Variants in ATP5PB observed in about 807,000 individuals in gnomAD.
The protein encoded by ATP5PB is ATP synthase peripheral stalk-membrane subunit b.
In ATP5PB, 21 loss-of-function variants were observed where a neutral mutation model predicts 34.5. The ratio of observed to expected loss-of-function variants is 0.61; its 90% CI spans 0.43 to 0.88. The LOEUF is 0.88. Ranked by LOEUF, ATP5PB falls within the 40% of genes least tolerant of loss-of-function variation. The pLI, the probability that ATP5PB is intolerant of heterozygous loss-of-function variation, is 0.00. For missense variants in ATP5PB, 293 were observed against 317.4 expected, an observed-to-expected ratio of 0.92 and a Z score of 0.58; for synonymous variants, 108 against 114.1, an observed-to-expected ratio of 0.95 and a Z score of 0.34.
At chr1:111,458,241 C>T (rs997278044) in intron 5 of ATP5PB, among the ~76,000 whole-genome samples, 5 of 152,202 alleles carry the variant, frequency 3.3e-5, no homozygotes, top group African/African-American at 1.2e-4. Flanking sequence ...CGCATTGGCT[C>T]ATGCCTATAA....
At chr1:111,451,271 C>T (rs928920698) in intron 2 of ATP5PB, among the ~76,000 whole-genome samples, 1 of 152,198 alleles carries the variant, frequency 6.6e-6, no homozygotes, top group Non-Finnish European at 1.5e-5. Context: ...CCTTGGTGTT[C>T]CTCTGAAAAC....
chr1:111,455,894 T>C (rs1363328288), intron 3 of ATP5PB, among the ~76,000 whole-genome samples, 192 bp from the exon 4 acceptor site: 2 of 152,252 alleles, frequency 1.3e-5, no homozygotes, highest in Admixed American at 6.5e-5. Context: ...GTAGAGTCAG[T>C]ATACAGATTT....
At position 111,459,751 on chromosome 1, in the gene ATP5PB, G is replaced by T. The variant is rs572188958; in HGVS notation, c.693+115G>T. ...AGGAGTCTTTAGCCTAGAAGTAGCA[G>T]TGTAACCCCGGTTTGTTTTTCTGGA... is the stretch of plus-strand genomic sequence containing the variant. On this transcript the variant is annotated intron_variant, in intron 6 of 6. Coordinates refer to ENST00000369722, the MANE Select transcript of ATP5PB (RefSeq NM_001688.5). 3.4e-5 allele frequency: 38 copies of T among 1,122,794 alleles called. 2 individuals carry two copies. The African/African-American group carries it at 3.6e-4, about 11-fold the overall frequency. 69.6% of individuals were successfully genotyped at this position (1,122,794 alleles called of 1,614,324 possible). A position where few individuals can be genotyped will look rare whatever the true frequency, so the allele number is the denominator to read the frequency against.
intron 2 of ATP5PB, among the ~76,000 whole-genome samples, chr1:111,452,796 G>A (rs545378367): frequency 2.0e-5 from 3 of 152,268 alleles, no homozygotes; most frequent in Admixed American, 6.5e-5. Flanking sequence ...AGGATGGGTC[G>A]GGGAGGGAGG....
At chr1:111,454,452 TG>T (rs1451161074) in intron 3 of ATP5PB, 96 bp downstream of exon 3, 109 of 1,423,218 alleles carry the variant, frequency 7.7e-5, no homozygotes, top group Non-Finnish European at 9.6e-5. Flanking sequence ...TTGTTGTTGT[TG>T]TTGTTGTTGT....
Position 111,461,341 on chromosome 1 carries a change from C to G in ATP5PB, c.*347C>G. The G allele has an allele frequency of 5.1e-6, 1 of 197,768 alleles. No homozygotes were observed. Among genetic ancestry groups the G allele is most frequent in the South Asian group, 8.4e-5 (1 of 11,870 alleles). The allele number at this position is 197,768 out of a possible 1,614,324, so 12.3% of individuals were successfully genotyped here. A position where few individuals can be genotyped will look rare whatever the true frequency, so the allele number is the denominator to read the frequency against. On this transcript the variant is annotated 3_prime_UTR_variant, in exon 7 of 7. Coordinates refer to ENST00000369722, the MANE Select transcript of ATP5PB (RefSeq NM_001688.5). The stretch of plus-strand genomic sequence containing the variant: ...GACAATTGAATGAAACAGGGTTTTT[C>G]AAGTTGTATAATTCTCTGAAATACT...
rs1027042949 is a variant in ATP5PB, at chr1:111,456,368, A to G, written c.387+119A>G. The G allele has an allele frequency of 1.5e-5, 18 of 1,191,042 alleles. No individual in the cohort carries two copies. In the East Asian group the frequency reaches 3.9e-4, roughly 26 times the overall value. 73.8% of individuals were successfully genotyped at this position (1,191,042 alleles called of 1,614,324 possible). On this transcript the variant is annotated intron_variant, in intron 4 of 6. Transcript: ENST00000369722. Reference sequence around the variant, plus strand: ...TATAGAAATGAATCTAATGCTTCAAATAAGTGTTAACGTTAGTTACTAATT... The same window carrying G: ...TATAGAAATGAATCTAATGCTTCAAGTAAGTGTTAACGTTAGTTACTAATT...
chr1:111,449,905 T>G, intron 2 of ATP5PB, 32 bp downstream of exon 2: 1 of 1,613,646 alleles, frequency 6.2e-7, no homozygotes, highest in Non-Finnish European at 8.5e-7. Flanking sequence ...CCTTTCGTCT[T>G]TGTTTTCACT....
At chr1:111,460,896 A>G (rs1253312369) in intron 6 of ATP5PB, 21 bp from the exon 7 acceptor site, 1 of 1,611,996 alleles carries the variant, frequency 6.2e-7, no homozygotes, top group East Asian at 2.2e-5. Flanking sequence ...GTCTAACCAG[A>G]TTTCTCTTTC....
chr1:111,449,724 TGAG>T, intron 1 of ATP5PB, 110 bp from the exon 2 acceptor site: 16 of 1,575,492 alleles, frequency 1.0e-5, no homozygotes, highest in Non-Finnish European at 1.3e-5. Flanking sequence ...CGTGGGGTCT[TGAG>T]GGACGGGAAA....
chr1:111,449,498 G>C lies in ATP5PB; in HGVS notation c.-44G>C. The C allele has an allele frequency of 2.5e-6, 4 of 1,614,154 alleles. No individual in the cohort carries two copies. Among genetic ancestry groups the C allele is most frequent in the Non-Finnish European group, 3.4e-6 (4 of 1,180,028 alleles). On this transcript the variant is annotated 5_prime_UTR_variant, in exon 1 of 7. Transcript: ENST00000369722. ...CCTGCCCTGACAGATTCTCCTATCGGGGTCACAGGGACGCTAAGATTGCTA... is the reference window on the plus strand; with the variant it reads ...CCTGCCCTGACAGATTCTCCTATCGCGGTCACAGGGACGCTAAGATTGCTA...
In ATP5PB at chr1:111,454,462, G is replaced by GT. The variant is rs1204972686; in HGVS notation, c.223+108dup. 291 of 1,421,304 alleles carry GT rather than the reference G, an allele frequency of 2.0e-4. 3 individuals are homozygous for GT. In the African/African-American group the frequency reaches 4.0e-3, roughly 20 times the overall value. 88.0% of individuals were successfully genotyped at this position (1,421,304 alleles called of 1,614,324 possible). A position where few individuals can be genotyped will look rare whatever the true frequency, so the allele number is the denominator to read the frequency against. Reference sequence around the variant, plus strand: ...TTTTGTTGTTGTTGTTGTTGTTGTTGTTGTTGTTTTTTGAGACAGGGTATT... The same window carrying GT: ...TTTTGTTGTTGTTGTTGTTGTTGTTGTTTGTTGTTTTTTGAGACAGGGTATT... On this transcript the variant is annotated intron_variant, in intron 3 of 6. Transcript: ENST00000369722.
At chr1:111,456,893 A>G (rs1653489374) in intron 5 of ATP5PB, 138 bp downstream of exon 5, 2 of 1,029,858 alleles carry the variant, frequency 1.9e-6, no homozygotes, top group Non-Finnish European at 2.6e-6. Flanking sequence ...AGGAGTTGGC[A>G]TTCACGGCTA....
chr1:111,452,421 G>C (rs1653358868), intron 2 of ATP5PB, among the ~76,000 whole-genome samples: 1 of 152,048 alleles, frequency 6.6e-6, no homozygotes, highest in Non-Finnish European at 1.5e-5. Flanking sequence ...AAAATAGCTG[G>C]GTGTGGTGGC....
chr1:111,452,516 A>T (rs1653362838), intron 2 of ATP5PB, among the ~76,000 whole-genome samples: 1 of 152,242 alleles, frequency 6.6e-6, no homozygotes, highest in Non-Finnish European at 1.5e-5. Flanking sequence ...GGTTGCAGTG[A>T]GCTGAGATCA....
Position 111,454,299 on chromosome 1 carries a change from T to TA in ATP5PB, c.167dup (p.Tyr56Ter). The change falls in exon 3 of 7, where the codon TAT becomes TAAT. Residue 56 changes from tyrosine (Y) to a stop codon, truncating the protein, a stop_gained and frameshift_variant. Coordinates refer to ENST00000369722, the MANE Select transcript of ATP5PB (RefSeq NM_001688.5). LOFTEE classifies it high-confidence loss of function. Reference sequence around the variant, plus strand: ...TCCTGAATACGGAGGAAAAGTTCGTTATGGACTGATCCCTGAGGAATTCTT... The same window carrying TA: ...TCCTGAATACGGAGGAAAAGTTCGTTAATGGACTGATCCCTGAGGAATTCTT... ...PLPEYGGKVRYGLIPEEFFQF... is the reference protein window; with the variant it reads ...PLPEYGGKVR The TA allele has an allele frequency of 6.2e-7, 1 of 1,613,182 alleles. No individual in the cohort carries two copies. The highest frequency in any genetic ancestry group is 8.5e-7 in the Non-Finnish European group (1 of 1,179,758).
rs948537606 is a variant in ATP5PB at position 111,461,063 on chromosome 1, A to G, written c.*69A>G. 3.5e-6 allele frequency: 5 copies of G among 1,426,402 alleles called. No individual in the cohort carries two copies. In the African/African-American group the frequency reaches 5.7e-5, roughly 16 times the overall value. 88.4% of individuals were successfully genotyped at this position (1,426,402 alleles called of 1,614,324 possible). On this transcript the variant is annotated 3_prime_UTR_variant, in exon 7 of 7. Transcript: ENST00000369722. ...TAAATGGAAACTAGTCTATTTGACA[A>G]AGTCTTTCTGTGTTGGTGTCTACTG...
chr1:111,451,087 A>C (rs529259393), intron 2 of ATP5PB, among the ~76,000 whole-genome samples: 1 of 152,268 alleles, frequency 6.6e-6, no homozygotes, highest in South Asian at 2.1e-4. Flanking sequence ...ATTACAGCCC[A>C]TTCTCATAAT....
In ATP5PB at chr1:111,459,595, T is replaced by C; in HGVS notation, c.652T>C (p.Trp218Arg). The part of the protein sequence containing the change: ...RRKEQEHMIN[W>R]VEKHVVQSIS... Reference sequence around the variant, plus strand: ...AAAGGAACAAGAACACATGATAAATTGGGTGGAGAAGCACGTGGTGCAAAG... The same window carrying C: ...AAAGGAACAAGAACACATGATAAATCGGGTGGAGAAGCACGTGGTGCAAAG... Residue 218 changes from tryptophan (W) to arginine (R), a missense_variant, in exon 6 of 7, where the codon TGG (tryptophan) becomes CGG (arginine). Trp to Arg is a moderately radical substitution (Grantham distance 101, BLOSUM62 -3). Coordinates refer to ENST00000369722, the MANE Select transcript of ATP5PB (RefSeq NM_001688.5). 3 of 1,613,930 alleles carry C rather than the reference T, an allele frequency of 1.9e-6. No homozygotes were observed. Among genetic ancestry groups the C allele is most frequent in the Non-Finnish European group, 2.5e-6 (3 of 1,179,848 alleles).
Sources: allele counts gnomAD v4.1 joint callset (sites outside exome capture counted in the v4.1 genomes callset), GRCh38; gene constraint gnomAD v4.1.1; transcripts MANE v1.5; gene names NCBI Gene and HGNC (gene_info 2026-07-23, HGNC 2026-07-21).